Variants in ANXA4 observed in about 807,000 individuals in gnomAD.
ANXA4 encodes 35-beta calcimedin.
Under a neutral mutation model 49.8 loss-of-function variants are expected in ANXA4, and 39 were observed. That is an observed-to-expected ratio of 0.78 (90% CI 0.61 to 1.02). The LOEUF (loss-of-function observed/expected upper bound fraction) is 1.02. ANXA4 is among the 50% of genes least tolerant of loss of function. ANXA4 has a pLI of 0.00. For missense variants in ANXA4, 360 were observed against 410.1 expected (o/e 0.88, Z 1.05); for synonymous variants, 134 against 152.5 (o/e 0.88, Z 0.89).
intron 3 of ANXA4, among the ~76,000 whole-genome samples, chr2:69,795,857 C>G (rs1369894308): frequency 6.6e-6 from 1 of 152,126 alleles, no homozygotes; most frequent in Non-Finnish European, 1.5e-5. Context: ...TAATAAGTTC[C>G]CCCCAACTAC....
chr2:69,808,807 G>T (rs1302872494), intron 6 of ANXA4: 1 of 152,012 alleles, frequency 6.6e-6, no homozygotes, highest in Non-Finnish European at 1.5e-5. Context: ...GACCACAGGT[G>T]TGCGCCACCA....
chr2:69,651,151 T>G (rs1192931982), intron 1 of ANXA4, among the ~76,000 whole-genome samples: 3 of 152,224 alleles, frequency 2.0e-5, no homozygotes, highest in Non-Finnish European at 4.4e-5. Flanking sequence ...TCAATCAGTA[T>G]GTAGTGAACT....
chr2:69,761,939 A>T (rs191499476), intron 1 of ANXA4, among the ~76,000 whole-genome samples: 1 of 152,320 alleles, frequency 6.6e-6, no homozygotes, highest in African/African-American at 2.4e-5. Context: ...CAAAGTGAAT[A>T]AATCTGTTGG....
chr2:69,709,250 T>C (rs1199576676), intron 2 of ANXA4, among the ~76,000 whole-genome samples: 4 of 152,206 alleles, frequency 2.6e-5, no homozygotes, highest in Non-Finnish European at 4.4e-5. Flanking sequence ...GAGTAAAGGA[T>C]ACAAATTATT....
intron 2 of ANXA4, among the ~76,000 whole-genome samples, chr2:69,706,908 C>T (rs754208883): frequency 2.6e-5 from 4 of 152,170 alleles, no homozygotes; most frequent in Non-Finnish European, 5.9e-5. Flanking sequence ...AGTTAATGTT[C>T]GTATCATCTT....
chr2:69,709,495 C>T (rs184306139), intron 2 of ANXA4, among the ~76,000 whole-genome samples: 2 of 152,298 alleles, frequency 1.3e-5, no homozygotes, highest in African/African-American at 4.8e-5. Context: ...TCAGCAGAAG[C>T]ACAGACACGC....
intron 2 of ANXA4, among the ~76,000 whole-genome samples, chr2:69,654,094 T>C (rs529443972): frequency 5.3e-5 from 8 of 152,300 alleles, no homozygotes; most frequent in African/African-American, 1.9e-4. Flanking sequence ...TTGTCTATTA[T>C]TGGTGTATAG....
At chr2:69,787,863 G>C (rs553692554) in intron 2 of ANXA4, among the ~76,000 whole-genome samples, 191 bp from the exon 3 acceptor site, 11 of 152,322 alleles carry the variant, frequency 7.2e-5, no homozygotes, top group East Asian at 3.9e-4. Flanking sequence ...CTTGTTTACT[G>C]TCTGCCTCCC....
intron 3 of ANXA4, among the ~76,000 whole-genome samples, chr2:69,799,302 C>T (rs1673084896): frequency 6.6e-6 from 1 of 152,146 alleles, no homozygotes; most frequent in Non-Finnish European, 1.5e-5. Context: ...TATCTTAGTG[C>T]ACCTAAAGGG....
intron 3 of ANXA4, among the ~76,000 whole-genome samples, chr2:69,796,638 C>T (rs1672955161): frequency 6.6e-6 from 1 of 152,134 alleles, no homozygotes; most frequent in African/African-American, 2.4e-5. Context: ...GGAACATGTA[C>T]CCTAGGGGTG....
intron 2 of ANXA4, among the ~76,000 whole-genome samples, chr2:69,783,555 T>C (rs1268243651): frequency 6.6e-6 from 1 of 152,250 alleles, no homozygotes; most frequent in East Asian, 1.9e-4. Context: ...TTCTCTATAA[T>C]ATTTTTTAAA....
chr2:69,791,647 T>C (rs1019792519), intron 3 of ANXA4, among the ~76,000 whole-genome samples: 4 of 152,244 alleles, frequency 2.6e-5, no homozygotes, highest in African/African-American at 9.6e-5. Flanking sequence ...ATTAGTTCAG[T>C]TCATTCCATT....
chr2:69,708,637 C>T (rs1418335797), intron 2 of ANXA4, among the ~76,000 whole-genome samples: 1 of 152,064 alleles, frequency 6.6e-6, no homozygotes, highest in African/African-American at 2.4e-5. Context: ...TCCTGCAGGA[C>T]CAGCAGGTCC....
chr2:69,669,304 A>G (rs1347433377), intron 2 of ANXA4, among the ~76,000 whole-genome samples: 1 of 151,502 alleles, frequency 6.6e-6, no homozygotes, highest in African/African-American at 2.4e-5. Flanking sequence ...AACCAAACAA[A>G]TTTTTGTTTA....
chr2:69,661,212 AG>A (rs1405369906), intron 2 of ANXA4, among the ~76,000 whole-genome samples: 2 of 149,990 alleles, frequency 1.3e-5, no homozygotes, highest in Admixed American at 6.6e-5. Context: ...AAATAAAGGA[AG>A]CTTCAGACAA....
chr2:69,742,727 A>C (rs956962186), intron 1 of ANXA4, among the ~76,000 whole-genome samples: 7 of 152,092 alleles, frequency 4.6e-5, no homozygotes, highest in African/African-American at 1.7e-4. Context: ...CAGTCTCAGC[A>C]TTTTGTCATG....
chr2:69,735,217 G>A (rs1228602780), intron 3 of ANXA4, among the ~76,000 whole-genome samples: 1 of 152,186 alleles, frequency 6.6e-6, no homozygotes, highest in Non-Finnish European at 1.5e-5. Context: ...AGACCTCTGA[G>A]GAGGTAAGGA....
intron 3 of ANXA4, among the ~76,000 whole-genome samples, chr2:69,734,768 C>G (rs996106408): frequency 6.6e-6 from 1 of 151,878 alleles, no homozygotes; most frequent in African/African-American, 2.4e-5. Context: ...AACCTGTAAT[C>G]CCAGCACTTT....
At chr2:69,683,643 A>T (rs1025770271) in intron 2 of ANXA4, among the ~76,000 whole-genome samples, 1 of 152,014 alleles carries the variant, frequency 6.6e-6, no homozygotes, top group African/African-American at 2.4e-5. Flanking sequence ...ACTGTTTTTC[A>T]GTCTGTCCCT....
Sources: gnomAD v4.1 joint callset for allele counts (sites outside exome capture counted in the v4.1 genomes callset) on GRCh38, gnomAD v4.1.1 for gene constraint, MANE v1.5 for transcripts, NCBI Gene and HGNC (gene_info 2026-07-23, HGNC 2026-07-21) for gene names.